TMEM192: variants seen among roughly 807,000 people sequenced by gnomAD.
TMEM192 encodes the protein transmembrane protein 192.
A neutral mutation model predicts 26.7 loss-of-function variants in TMEM192; 20 were observed. The observed-to-expected ratio is 0.75, with a 90% CI of 0.53 to 1.09. TMEM192 has a LOEUF of 1.09. Ranked by LOEUF, TMEM192 falls within the 50% of genes least tolerant of loss-of-function variation. The pLI is 0.00. For synonymous variants in TMEM192, 124 were observed against 121.0 expected (o/e 1.02, Z -0.16); for missense variants, 304 against 322.6 (o/e 0.94, Z 0.44).
Position 165,080,113 on chromosome 4 carries a change from C to T in TMEM192, c.678-317G>A, listed in dbSNP as rs575333973. 1.3e-4 allele frequency among the ~76,000 whole-genome samples: 20 copies of T among 152,004 alleles called. No homozygotes were observed. The South Asian group carries it at 3.3e-3, about 25-fold the overall frequency. On this transcript the variant is annotated intron_variant, in intron 5 of 5. Coordinates refer to ENST00000306480, the MANE Select transcript of TMEM192 (RefSeq NM_001100389.2). Reference sequence around the variant, plus strand: ...GAGTATAAGTAATCAACTTAAATGGCGTTTAAAGATAAATAAAGGCAAAAT... The same window carrying T: ...GAGTATAAGTAATCAACTTAAATGGTGTTTAAAGATAAATAAAGGCAAAAT...
intron 4 of TMEM192, among the ~76,000 whole-genome samples, chr4:165,086,705 G>A (rs532144773): frequency 9.9e-5 from 15 of 152,178 alleles, no homozygotes; most frequent in Admixed American, 7.2e-4. Flanking sequence ...GATTACAGGC[G>A]TGAGTCACCA....
rs369304766 is a variant in TMEM192 at position 165,100,883 on chromosome 4, C to T, written c.184G>A (p.Val62Ile). ...ACACCTGTTAAAAATGCTAAAACAA[C>T]AAACACGAGCTGGGGGAAAGGAGAG... is the stretch of plus-strand genomic sequence containing the variant. ...NLLWFIHLVF[V>I]VLAFLTGVLC... The change falls in exon 3 of 6, where the codon GTT becomes ATT. Residue 62 changes from valine (V) to isoleucine (I), a missense_variant. Val to Ile is a conservative substitution (Grantham distance 29). Coordinates refer to ENST00000306480, the MANE Select transcript of TMEM192 (RefSeq NM_001100389.2). 6.8e-6 allele frequency: 11 copies of T among 1,607,002 alleles called. No homozygotes were observed. Among genetic ancestry groups the T allele is most frequent in the Admixed American group, 1.7e-5 (1 of 59,074 alleles).
rs1434102759 is a variant in TMEM192, at chr4:165,100,762, A to G, written c.305T>C (p.Ile102Thr). 5 of 1,614,058 alleles carry G rather than the reference A, an allele frequency of 3.1e-6. No homozygotes were observed. The highest frequency in any genetic ancestry group is 4.2e-6 in the Non-Finnish European group (5 of 1,180,018). The change falls in exon 3 of 6, where the codon ATT (isoleucine) becomes ACT (threonine). Residue 102 changes from isoleucine (I) to threonine (T), a missense_variant. Coordinates refer to ENST00000306480, the MANE Select transcript of TMEM192 (RefSeq NM_001100389.2). Reference sequence around the variant, plus strand: ...AAGGAGTAAATGGAGAATCCACAAAATAACTTTCCCAAGGATTATAACCGT... The same window carrying G: ...AAGGAGTAAATGGAGAATCCACAAAGTAACTTTCCCAAGGATTATAACCGT... ...VQTVIILGKV[I>T]LWILHLLLEC...
At chr4:165,089,258 T>C (rs913386659) in intron 3 of TMEM192, among the ~76,000 whole-genome samples, 2 of 151,882 alleles carry the variant, frequency 1.3e-5, no homozygotes, top group East Asian at 1.9e-4. Context: ...CCAACCCTCC[T>C]GCCATATAGG....
Position 165,103,015 on chromosome 4 carries a change from G to C in TMEM192, c.109C>G (p.His37Asp), listed in dbSNP as rs377055237. ...AGAGGATGGAATCGGGGTCTAAAGT[G>C]AGCTTGTAATGAGTGGTGTGGGAGA... ...QLLPHHSLQA[H>D]FRPRFHPLPT... Residue 37 changes from histidine to aspartate, a missense_variant, in exon 2 of 6, where the codon CAC becomes GAC. By Grantham distance (81) the His-to-Asp change is moderately conservative. Transcript: ENST00000306480. 155 of 1,613,472 alleles carry C rather than the reference G, an allele frequency of 9.6e-5. No individual in the cohort carries two copies. Among genetic ancestry groups the C allele is most frequent in the Admixed American group, 1.8e-4 (11 of 59,872 alleles).
chr4:165,097,351 A>G (rs562827487), intron 3 of TMEM192, among the ~76,000 whole-genome samples: 1 of 152,050 alleles, frequency 6.6e-6, no homozygotes, highest in South Asian at 2.1e-4. Flanking sequence ...AAAATTAGCC[A>G]GGCGTGGTGG....
In TMEM192 at chr4:165,112,831, A is replaced by C; in HGVS notation, c.-58T>G. ...CCCGGCCTCTCCACCTGGACCTGTA[A>C]GCCTCTGGCCGCGAAACTCGCCACC... On this transcript the variant is annotated 5_prime_UTR_variant, in exon 1 of 6. Transcript: ENST00000306480. The C allele has an allele frequency of 6.3e-7, 1 of 1,583,818 alleles. No individual in the cohort carries two copies. Among genetic ancestry groups the C allele is most frequent in the South Asian group, 1.1e-5 (1 of 89,384 alleles).
chr4:165,089,296 C>T (rs564031235), intron 3 of TMEM192, among the ~76,000 whole-genome samples: 1 of 151,928 alleles, frequency 6.6e-6, no homozygotes, highest in South Asian at 2.1e-4. Context: ...TAAGGGTCTT[C>T]AAGGGAAAAG....
intron 1 of TMEM192, among the ~76,000 whole-genome samples, chr4:165,104,227 A>C (rs1376734454): frequency 1.3e-5 from 2 of 152,180 alleles, no homozygotes; most frequent in African/African-American, 4.8e-5. Flanking sequence ...AATATGGTTC[A>C]TGGGAAGCAC....
At chr4:165,097,504 A>AAG (rs1288346395) in intron 3 of TMEM192, among the ~76,000 whole-genome samples, 5 of 149,706 alleles carry the variant, frequency 3.3e-5, no homozygotes, top group Middle Eastern at 3.5e-3. Flanking sequence ...AAAAAAAAAA[A>AAG]AAAAAAGAAA....
chr4:165,103,160 T>A, intron 1 of TMEM192, 64 bp from the exon 2 acceptor site: 1 of 1,443,484 alleles, frequency 6.9e-7, no homozygotes, highest in East Asian at 2.4e-5. Context: ...CTAAGACAAA[T>A]CTACTAAACT....
At chr4:165,087,039 A>T (rs879776731) in intron 4 of TMEM192, among the ~76,000 whole-genome samples, 14 of 152,092 alleles carry the variant, frequency 9.2e-5, no homozygotes, top group Non-Finnish European at 1.6e-4. Context: ...GCTTAAACCC[A>T]GGAGGCGGAG....
intron 3 of TMEM192, among the ~76,000 whole-genome samples, chr4:165,100,304 C>T (rs1431863011): frequency 6.6e-6 from 1 of 151,918 alleles, no homozygotes; most frequent in Non-Finnish European, 1.5e-5. Context: ...GGATTACAGG[C>T]ATGCACCACC....
At chr4:165,092,172 A>G (rs1317282624) in intron 3 of TMEM192, among the ~76,000 whole-genome samples, 3 of 120,438 alleles carry the variant, frequency 2.5e-5, no homozygotes, top group Non-Finnish European at 4.8e-5. Context: ...CCCAGGCTGG[A>G]GTGCAAAGGT....
chr4:165,106,739 G>C (rs1028526637), intron 1 of TMEM192, among the ~76,000 whole-genome samples: 1 of 152,230 alleles, frequency 6.6e-6, no homozygotes, highest in Non-Finnish European at 1.5e-5. Flanking sequence ...CCGACTGAAG[G>C]CTGCGCTGTT....
chr4:165,099,102 C>CTTTTTTTTTTTTT (rs1160535314), intron 3 of TMEM192, among the ~76,000 whole-genome samples: 8 of 126,192 alleles, frequency 6.3e-5, no homozygotes, highest in African/African-American at 9.2e-5. Context: ...TTTTTTCTTT[C>CTTTTTTTTTTTTT]TTTTTTTTTT....
In TMEM192 at chr4:165,077,269, T is replaced by C. The variant is rs1347137385; in HGVS notation, c.*2389A>G. 6.6e-6 allele frequency: 1 copy of C among 152,234 alleles called. No individual in the cohort carries two copies. Among genetic ancestry groups the C allele is most frequent in the South Asian group, 2.1e-4 (1 of 4,834 alleles). The allele number at this position is 152,234 out of a possible 1,614,324, so 9.4% of individuals were successfully genotyped here. On this transcript the variant is annotated 3_prime_UTR_variant, in exon 6 of 6. Transcript: ENST00000306480. The stretch of plus-strand genomic sequence containing the variant: ...GTTCCTTGTAAACCAAAGTTCATCC[T>C]ATAAATCTCAGATACTGACTATAGA...
At position 165,072,931 on chromosome 4, in the gene TMEM192, C is replaced by T. The variant is rs1314310343; in HGVS notation, c.*6727G>A. 6.6e-6 allele frequency: 1 copy of T among 151,916 alleles called. No individual in the cohort carries two copies. Among genetic ancestry groups the T allele is most frequent in the Non-Finnish European group, 1.5e-5 (1 of 68,022 alleles). The allele number at this position is 151,916 out of a possible 1,614,324, so 9.4% of individuals were successfully genotyped here. ...ATCAGCTCATAAATTCTATCAAAGTCATGAGATTGTGTGAGACCACCAAGA... is the reference window on the plus strand; with the variant it reads ...ATCAGCTCATAAATTCTATCAAAGTTATGAGATTGTGTGAGACCACCAAGA... On this transcript the variant is annotated 3_prime_UTR_variant, in exon 6 of 6. Coordinates refer to ENST00000306480, the MANE Select transcript of TMEM192 (RefSeq NM_001100389.2).
chr4:165,079,432 A>G lies in TMEM192; in HGVS notation c.*226T>C, dbSNP rs1459135580. 3 of 447,188 alleles carry G rather than the reference A, an allele frequency of 6.7e-6. No homozygotes were observed. The highest frequency in any genetic ancestry group is 4.1e-5 in the Admixed American group (1 of 24,306). 27.7% of individuals were successfully genotyped at this position (447,188 alleles called of 1,614,324 possible). On this transcript the variant is annotated 3_prime_UTR_variant, in exon 6 of 6. Transcript: ENST00000306480. ...TTAAATAATTTCCAAAAGTACAAAC[A>G]GACATTCCCCTCAAGTTATCCGGGC... is the stretch of plus-strand genomic sequence containing the variant.
Sources: allele counts gnomAD v4.1 joint callset (sites outside exome capture counted in the v4.1 genomes callset), GRCh38; gene constraint gnomAD v4.1.1; transcripts MANE v1.5; gene names NCBI Gene and HGNC (gene_info 2026-07-23, HGNC 2026-07-21).